Variants in WWTR1 observed in about 807,000 individuals in gnomAD.
WWTR1 encodes the protein WW domain containing transcription regulator 1.
Under a neutral mutation model 40.1 loss-of-function variants are expected in WWTR1, and 13 were observed. The observed-to-expected ratio is 0.32, with a 90% CI of 0.21 to 0.52. The LOEUF (loss-of-function observed/expected upper bound fraction) is 0.52. WWTR1 is among the 20% of genes least tolerant of loss of function. The pLI, the probability that WWTR1 is intolerant of heterozygous loss-of-function variation, is 0.97. For missense variants in WWTR1, 436 were observed against 523.1 expected, an observed-to-expected ratio of 0.83 and a Z score of 1.63; for synonymous variants, 230 against 210.1, an observed-to-expected ratio of 1.09 and a Z score of -0.82.
At chr3:149,526,505 G>A (rs911609006) in intron 5 of WWTR1, among the ~76,000 whole-genome samples, 3 of 152,066 alleles carry the variant, frequency 2.0e-5, no homozygotes, top group African/African-American at 7.2e-5. Flanking sequence ...ATGGACACAC[G>A]CCAGTTTCTG....
intron 2 of WWTR1, among the ~76,000 whole-genome samples, chr3:149,653,736 G>A (rs966660330): frequency 6.6e-6 from 1 of 152,168 alleles, no homozygotes; most frequent in Non-Finnish European, 1.5e-5. Context: ...GTGACATGGG[G>A]GAAAGGTGTC....
At chr3:149,622,973 T>G (rs115741255) in intron 2 of WWTR1, among the ~76,000 whole-genome samples, 2,365 of 152,236 alleles carry the variant, frequency 0.016, 57 homozygotes, top group African/African-American at 0.055. Flanking sequence ...ACTATCCCCA[T>G]CGAAATTTAT....
At chr3:149,640,749 T>C (rs1005253845) in intron 2 of WWTR1, among the ~76,000 whole-genome samples, 4 of 152,090 alleles carry the variant, frequency 2.6e-5, no homozygotes, top group Non-Finnish European at 5.9e-5. Context: ...ATCAGAGATA[T>C]CATGCTACTC....
chr3:149,602,446 CT>C (rs973033786), intron 2 of WWTR1, among the ~76,000 whole-genome samples: 10 of 152,180 alleles, frequency 6.6e-5, no homozygotes, highest in Non-Finnish European at 1.5e-5. Context: ...CTGAGCAACC[CT>C]GAAATTCCAG....
chr3:149,596,358 A>G (rs991075645), intron 2 of WWTR1, among the ~76,000 whole-genome samples: 3 of 152,174 alleles, frequency 2.0e-5, no homozygotes, highest in African/African-American at 7.2e-5. Context: ...ATCATTCTCC[A>G]CTGGGGAATT....
intron 5 of WWTR1, chr3:149,717,349 T>C (rs1003593584): frequency 4.6e-5 from 7 of 152,106 alleles, no homozygotes; most frequent in African/African-American, 1.7e-4. Flanking sequence ...CAAAAAAGAT[T>C]ATGAACTAAT....
At chr3:149,593,388 C>CTTT (rs549589219) in intron 2 of WWTR1, among the ~76,000 whole-genome samples, 19 of 144,488 alleles carry the variant, frequency 1.3e-4, no homozygotes, top group South Asian at 4.4e-4. Flanking sequence ...AGTTTTCTTT[C>CTTT]TTTTTTTTTT....
At position 149,629,885 on chromosome 3, in the gene WWTR1, C is replaced by T. The variant is rs145336204; in HGVS notation, c.431+26991G>A. Among the ~76,000 whole-genome samples, 297 of 152,252 alleles carry T rather than the reference C, an allele frequency of 2.0e-3. 2 individuals are homozygous for T. Among genetic ancestry groups the T allele is most frequent in the Middle Eastern group, 3.4e-3 (1 of 294 alleles). ...TTACTGAGACAGGGTCATGCTCTGT[C>T]ACCCAGGCTGGAGTGCAGTGGAGCA... On this transcript the variant is annotated intron_variant, in intron 2 of 6. Transcript: ENST00000360632.
intron 2 of WWTR1, among the ~76,000 whole-genome samples, chr3:149,613,367 A>C (rs1229429862): frequency 6.6e-6 from 1 of 152,168 alleles, no homozygotes; most frequent in Admixed American, 6.5e-5. Context: ...ATCAGTAATG[A>C]GAATGCAGAG....
At chr3:149,636,695 T>C (rs997143340) in intron 2 of WWTR1, among the ~76,000 whole-genome samples, 12 of 152,136 alleles carry the variant, frequency 7.9e-5, no homozygotes, top group African/African-American at 2.7e-4. Context: ...CCAGAAAATC[T>C]AAATAATGTA....
intron 4 of WWTR1, among the ~76,000 whole-genome samples, chr3:149,530,459 T>C (rs1259927175): frequency 6.6e-6 from 1 of 151,872 alleles, no homozygotes; most frequent in Non-Finnish European, 1.5e-5. Flanking sequence ...ACACTATATA[T>C]AACACACATG....
intron 2 of WWTR1, among the ~76,000 whole-genome samples, chr3:149,645,001 C>T (rs190064684): frequency 1.2e-4 from 18 of 152,160 alleles, no homozygotes; most frequent in Middle Eastern, 3.4e-3. Context: ...TACAGGTACA[C>T]GCCACCATGC....
chr3:149,674,139 G>C (rs1576635778), intron 1 of WWTR1, among the ~76,000 whole-genome samples: 1 of 152,008 alleles, frequency 6.6e-6, no homozygotes, highest in African/African-American at 2.4e-5. Context: ...AGGATTGCTT[G>C]AGCTGAGGAA....
Position 149,526,032 on chromosome 3 carries a change from A to T in WWTR1, c.999T>A (p.Asn333Lys), listed in dbSNP as rs1165362000. The change falls in exon 6 of 7, where the codon AAT (asparagine) becomes AAA (lysine). Residue 333 changes from asparagine to lysine, a missense_variant. By Grantham distance (94) the Asn-to-Lys change is moderately conservative. Coordinates refer to ENST00000360632, the MANE Select transcript of WWTR1 (RefSeq NM_015472.6). ...VPTTPEDFLS[N>K]VDEMDTGENA... Reference sequence around the variant, plus strand: ...TCCTACCTGTATCCATCTCATCCACATTGCTGAGGAAGTCCTCCGGAGTTG... The same window carrying T: ...TCCTACCTGTATCCATCTCATCCACTTTGCTGAGGAAGTCCTCCGGAGTTG... The T allele has an allele frequency of 6.2e-7, 1 of 1,603,866 alleles. No individual in the cohort carries two copies. Among genetic ancestry groups the T allele is most frequent in the African/African-American group, 1.3e-5 (1 of 74,582 alleles).
At chr3:149,570,235 C>T (rs1394773862) in intron 3 of WWTR1, among the ~76,000 whole-genome samples, 1 of 152,122 alleles carries the variant, frequency 6.6e-6, no homozygotes, top group Non-Finnish European at 1.5e-5. Flanking sequence ...GTTGGAAAAA[C>T]CCCAGAATGT....
At chr3:149,685,276 C>T (rs903360302) in intron 1 of WWTR1, among the ~76,000 whole-genome samples, 6 of 152,208 alleles carry the variant, frequency 3.9e-5, no homozygotes, top group Non-Finnish European at 8.8e-5. Flanking sequence ...CTGAGTTAGT[C>T]TCTGCTGGGT....
intron 1 of WWTR1, among the ~76,000 whole-genome samples, chr3:149,682,928 G>A (rs1576639311): frequency 1.3e-5 from 2 of 152,260 alleles, no homozygotes; most frequent in South Asian, 4.1e-4. Flanking sequence ...TGAACCTCCT[G>A]TGGCTCTGGC....
In WWTR1 at chr3:149,602,985, G is replaced by GATAA. The variant is rs10573108; in HGVS notation, c.432-29989_432-29986dup. ...AGAAAAGCCTAATTTTAAAGCCAAA[G>GATAA]ATAAATAAATAAATAAATAAATAAA... On this transcript the variant is annotated intron_variant, in intron 2 of 6. Transcript: ENST00000360632. 8.6e-3 allele frequency among the ~76,000 whole-genome samples: 1,309 copies of GATAA among 151,628 alleles called. 13 individuals are homozygous for GATAA. The highest frequency in any genetic ancestry group is 0.021 in the African/African-American group (855 of 41,220).
Position 149,657,314 on chromosome 3 carries a change from A to C in WWTR1, c.-3-5T>G, listed in dbSNP as rs1713302571. ...CGCCGAGGCCGGATTCATCTTCTGC[A>C]AAAAGAAGGTCAGATCAGCCTTTTA... is the stretch of plus-strand genomic sequence containing the variant. On this transcript the variant is annotated splice_polypyrimidine_tract_variant and splice_region_variant and intron_variant, in intron 1 of 6. Coordinates refer to ENST00000360632, the MANE Select transcript of WWTR1 (RefSeq NM_015472.6). 3 of 1,606,270 alleles carry C rather than the reference A, an allele frequency of 1.9e-6. No homozygotes were observed. The South Asian group carries it at 3.4e-5, about 18-fold the overall frequency.
Sources: allele counts gnomAD v4.1 joint callset (sites outside exome capture counted in the v4.1 genomes callset), GRCh38; gene constraint gnomAD v4.1.1; transcripts MANE v1.5; gene names NCBI Gene and HGNC (gene_info 2026-07-23, HGNC 2026-07-21).